The following IGF1R variants were observed in gnomAD, a reference collection of about 807,000 sequenced individuals.
The protein encoded by IGF1R is insulin like growth factor 1 receptor, also known as insulin-like growth factor 1 receptor.
Under a neutral mutation model 144.6 loss-of-function variants are expected in IGF1R, and 44 were observed. The observed-to-expected ratio is 0.30, with a 90% CI of 0.24 to 0.39. IGF1R has a LOEUF of 0.39. IGF1R is among the 10% of genes least tolerant of loss of function. IGF1R has a pLI of 1.00. For synonymous variants in IGF1R, 795 were observed against 722.8 expected (o/e 1.10, Z -1.60); for missense variants, 1,355 against 1,833.7 (o/e 0.74, Z 4.77).
At chr15:98,904,208 C>T (rs966921733) in intron 5 of IGF1R, among the ~76,000 whole-genome samples, 2 of 152,048 alleles carry the variant, frequency 1.3e-5, no homozygotes, top group East Asian at 1.9e-4. Flanking sequence ...CTCACCACCA[C>T]GCCCGACTAA....
chr15:98,740,379 G>A (rs2054710229), intron 2 of IGF1R, among the ~76,000 whole-genome samples: 2 of 152,282 alleles, frequency 1.3e-5, no homozygotes, highest in African/African-American at 4.8e-5. Flanking sequence ...GGCTGAAAAA[G>A]CATTTAACAG....
intron 1 of IGF1R, among the ~76,000 whole-genome samples, chr15:98,672,136 C>T (rs959483091): frequency 6.6e-6 from 1 of 152,136 alleles, no homozygotes; most frequent in Non-Finnish European, 1.5e-5. Flanking sequence ...CATATTTGGG[C>T]ACACGTTTCA....
Position 98,655,450 on chromosome 15 carries a change from A to G in IGF1R, c.94+5775A>G, listed in dbSNP as rs531351802. On this transcript the variant is annotated intron_variant, in intron 1 of 20. Coordinates refer to ENST00000650285, the MANE Select transcript of IGF1R (RefSeq NM_000875.5). ...ACTTATGTTTTATTTTCAAATCTTA[A>G]GGAAAAACTGATATTTCCTTACTTG... 1.2e-4 allele frequency among the ~76,000 whole-genome samples: 18 copies of G among 152,232 alleles called. No individual in the cohort carries two copies. The South Asian group carries it at 3.5e-3, about 30-fold the overall frequency.
chr15:98,730,337 G>A (rs1202017118), intron 2 of IGF1R, among the ~76,000 whole-genome samples: 4 of 151,930 alleles, frequency 2.6e-5, no homozygotes, highest in Admixed American at 2.6e-4. Flanking sequence ...ATCACTTCTT[G>A]TCTGACACAG....
intron 1 of IGF1R, among the ~76,000 whole-genome samples, chr15:98,654,058 C>T (rs79224763): frequency 0.019 from 2,860 of 152,262 alleles, 88 homozygotes; most frequent in African/African-American, 0.063. Context: ...TTTTTTCAGA[C>T]TCAGTATAGG....
intron 2 of IGF1R, among the ~76,000 whole-genome samples, chr15:98,718,157 G>C (rs540048946): frequency 2.0e-5 from 3 of 152,358 alleles, no homozygotes; most frequent in African/African-American, 7.2e-5. Context: ...AGGAATGCCA[G>C]GCCTCTGCCC....
chr15:98,930,155 CTG>C (rs2015883089), intron 14 of IGF1R, 78 bp from the exon 15 acceptor site: 1 of 949,862 alleles, frequency 1.1e-6, no homozygotes, highest in Non-Finnish European at 1.7e-6. Flanking sequence ...ATAAATGAAA[CTG>C]TTGTAGCGAA....
intron 2 of IGF1R, among the ~76,000 whole-genome samples, chr15:98,845,761 G>T (rs1471055071): frequency 6.6e-6 from 1 of 151,974 alleles, no homozygotes; most frequent in African/African-American, 2.4e-5. Flanking sequence ...AGTGATTAGT[G>T]TTCCAATTCT....
intron 2 of IGF1R, among the ~76,000 whole-genome samples, chr15:98,755,298 A>G (rs545280124): frequency 1.8e-4 from 28 of 152,172 alleles, no homozygotes; most frequent in African/African-American, 6.0e-4. Context: ...CACAAAATGG[A>G]TGATTCATAG....
rs2052262786 is a variant in IGF1R, at chr15:98,648,900, G to T, written c.-682G>T. The T allele has an allele frequency of 6.5e-6, 1 of 152,854 alleles. No homozygotes were observed. The highest frequency in any genetic ancestry group is 1.8e-4 in the South Asian group (1 of 5,420). 9.5% of individuals were successfully genotyped at this position (152,854 alleles called of 1,614,324 possible). On this transcript the variant is annotated 5_prime_UTR_variant, in exon 1 of 21. Transcript: ENST00000650285. ...CCGGCGCGGGGCGGGCGGCGGCGCA[G>T]AGCCGGGCGGCGCGGCGGGAGTGCT...
At chr15:98,697,328 T>C (rs1305671398) in intron 1 of IGF1R, among the ~76,000 whole-genome samples, 4 of 152,196 alleles carry the variant, frequency 2.6e-5, no homozygotes, top group African/African-American at 9.7e-5. Context: ...GCATACAGTG[T>C]TTTAGCTCTT....
At chr15:98,930,906 C>T (rs1361637422) in intron 15 of IGF1R, among the ~76,000 whole-genome samples, 3 of 152,024 alleles carry the variant, frequency 2.0e-5, no homozygotes, top group African/African-American at 7.2e-5. Flanking sequence ...TCCTTTTTTG[C>T]TCTTTCTAGC....
At chr15:98,753,396 T>TG (rs2055069577) in intron 2 of IGF1R, among the ~76,000 whole-genome samples, 2 of 143,672 alleles carry the variant, frequency 1.4e-5, no homozygotes, top group Admixed American at 6.9e-5. Context: ...TTTTTTTTTT[T>TG]TTTTTTTTGT....
chr15:98,649,822 CG>C, intron 1 of IGF1R, 147 bp downstream of exon 1: 1 of 603,868 alleles, frequency 1.7e-6, no homozygotes, highest in South Asian at 2.0e-5. Flanking sequence ...GCGGCTCTGC[CG>C]GGAGGGAGGC....
At chr15:98,746,503 GGCGCCTCTCAGAT>G (rs1197945821) in intron 2 of IGF1R, among the ~76,000 whole-genome samples, 1 of 152,038 alleles carries the variant, frequency 6.6e-6, no homozygotes, top group Non-Finnish European at 1.5e-5. Flanking sequence ...ACACTGTCAG[GGCGCCTCTCAGAT>G]GAGTCATCCC....
At chr15:98,781,815 C>T (rs1417841476) in intron 2 of IGF1R, among the ~76,000 whole-genome samples, 10 of 152,096 alleles carry the variant, frequency 6.6e-5, no homozygotes, top group Admixed American at 2.0e-4. Context: ...TCTTTGTAGA[C>T]TTGATGGATA....
At chr15:98,653,244 T>C (rs1241859303) in intron 1 of IGF1R, among the ~76,000 whole-genome samples, 1 of 152,170 alleles carries the variant, frequency 6.6e-6, no homozygotes, top group African/African-American at 2.4e-5. Context: ...TTTTTGACAA[T>C]AGAAACCTCA....
At chr15:98,930,213 G>A (rs745585587) in intron 14 of IGF1R, 22 bp from the exon 15 acceptor site, 22 of 1,587,850 alleles carry the variant, frequency 1.4e-5, no homozygotes, top group Middle Eastern at 3.3e-4. Flanking sequence ...TTTTGTTAAC[G>A]TGAATTTAAT....
At chr15:98,687,927 CCT>C (rs1204337453) in intron 1 of IGF1R, among the ~76,000 whole-genome samples, 9 of 152,118 alleles carry the variant, frequency 5.9e-5, no homozygotes, top group African/African-American at 2.2e-4. Context: ...ATTGCCAGCC[CCT>C]GTTTGGTAGT....
Sources: allele counts gnomAD v4.1 joint callset (sites outside exome capture counted in the v4.1 genomes callset), GRCh38; gene constraint gnomAD v4.1.1; transcripts MANE v1.5; gene names NCBI Gene and HGNC (gene_info 2026-07-23, HGNC 2026-07-21).